PITPNM2: variants seen among roughly 807,000 people sequenced by gnomAD.
The protein encoded by PITPNM2 is phosphatidylinositol transfer protein membrane associated 2, also known as membrane-associated phosphatidylinositol transfer protein 2.
A neutral mutation model predicts 132.2 loss-of-function variants in PITPNM2; 35 were observed. That is an observed-to-expected ratio of 0.26 (90% CI 0.20 to 0.35). The LOEUF is 0.35. PITPNM2 is among the 10% of genes least tolerant of loss of function. PITPNM2 has a pLI of 1.00. For synonymous variants in PITPNM2, 738 were observed against 799.2 expected, an observed-to-expected ratio of 0.92 and a Z score of 1.29; for missense variants, 1,332 against 1,912.0, an observed-to-expected ratio of 0.70 and a Z score of 5.66.
chr12:123,149,696 A>G (rs1202415983), intron 1 of PITPNM2: 1 of 152,630 alleles, frequency 6.6e-6, no homozygotes, highest in Non-Finnish European at 1.5e-5. Context: ...AGATACAGAT[A>G]GCAGGCAGTG....
rs528313518 is a variant in PITPNM2, at chr12:123,014,485, C to T, written c.79-443G>A. 2.6e-5 allele frequency among the ~76,000 whole-genome samples: 4 copies of T among 152,342 alleles called. No homozygotes were observed. In the East Asian group the frequency reaches 7.7e-4, roughly 29 times the overall value. ...TCAGGAGGCTGAGGTGGGCAGATCA[C>T]TTGAGGTCAGGAGTTTGAGACCAGC... On this transcript the variant is annotated intron_variant, in intron 3 of 25. Transcript: ENST00000320201.
Position 123,029,066 on chromosome 12 carries a change from C to T in PITPNM2, c.78+5447G>A, listed in dbSNP as rs1264882072. 3.9e-5 allele frequency among the ~76,000 whole-genome samples: 6 copies of T among 152,278 alleles called. No individual in the cohort carries two copies. In the South Asian group the frequency reaches 1.2e-3, roughly 32 times the overall value. ...CTGGGGTTGAGAGGGGAGATCCCTC[C>T]CAATGCTGCCTCCTCCCCAATCTAG... On this transcript the variant is annotated intron_variant, in intron 3 of 25. Transcript: ENST00000320201.
At chr12:123,132,847 A>T (rs1357500000) in intron 1 of PITPNM2, among the ~76,000 whole-genome samples, 1 of 152,162 alleles carries the variant, frequency 6.6e-6, no homozygotes, top group Non-Finnish European at 1.5e-5. Flanking sequence ...TACTTGGCAA[A>T]TATTATTTGG....
In PITPNM2 at chr12:122,985,731, C is replaced by T; in HGVS notation, c.*296G>A. ...ACCTGGCACCAGGACACTTGGAGAT[C>T]CACACAGGGCAAAATGTCTGGGAGA... is the stretch of plus-strand genomic sequence containing the variant. On this transcript the variant is annotated 3_prime_UTR_variant, in exon 26 of 26. Coordinates refer to ENST00000320201, the MANE Select transcript of PITPNM2 (RefSeq NM_020845.3). 6.1e-6 allele frequency: 2 copies of T among 327,182 alleles called. No individual in the cohort carries two copies. The highest frequency in any genetic ancestry group is 1.1e-5 in the Non-Finnish European group (2 of 180,696). The allele number at this position is 327,182 out of a possible 1,614,324, so 20.3% of individuals were successfully genotyped here.
At chr12:123,105,922 C>T (rs1199056479) in intron 2 of PITPNM2, among the ~76,000 whole-genome samples, 1 of 152,190 alleles carries the variant, frequency 6.6e-6, no homozygotes, top group Non-Finnish European at 1.5e-5. Flanking sequence ...CTGACCAAGA[C>T]AGCAGGGCAC....
intron 2 of PITPNM2, among the ~76,000 whole-genome samples, chr12:123,049,555 C>T (rs1157469160): frequency 1.3e-5 from 2 of 152,208 alleles, no homozygotes; most frequent in Non-Finnish European, 2.9e-5. Context: ...AACAGCTGCT[C>T]CCTCACTCCC....
At chr12:123,109,179 C>T (rs1023270406) in intron 2 of PITPNM2, among the ~76,000 whole-genome samples, 1 of 152,320 alleles carries the variant, frequency 6.6e-6, no homozygotes, top group Non-Finnish European at 1.5e-5. Flanking sequence ...GATGGAACAT[C>T]CATCCTCCGT....
intron 1 of PITPNM2, among the ~76,000 whole-genome samples, chr12:123,127,705 G>A (rs1400366825): frequency 6.6e-6 from 1 of 151,738 alleles, no homozygotes; most frequent in Non-Finnish European, 1.5e-5. Context: ...TGCCTCCCGG[G>A]TTCACGCCAT....
At chr12:123,084,379 C>G (rs762903970) in intron 2 of PITPNM2, 3 of 152,254 alleles carry the variant, frequency 2.0e-5, no homozygotes, top group Non-Finnish European at 4.4e-5. Flanking sequence ...TTTTCCCAGA[C>G]GGGGGTCCTG....
intron 5 of PITPNM2, among the ~76,000 whole-genome samples, chr12:123,012,271 C>A (rs2039240369): frequency 6.6e-6 from 1 of 152,202 alleles, no homozygotes; most frequent in South Asian, 2.1e-4. Flanking sequence ...AGGACATAGA[C>A]CCCATTATGT....
intron 3 of PITPNM2, among the ~76,000 whole-genome samples, chr12:123,017,287 G>A (rs2039464870): frequency 6.6e-6 from 1 of 151,164 alleles, no homozygotes; most frequent in Non-Finnish European, 1.5e-5. Flanking sequence ...GCAGGAGATT[G>A]CTTGAACCCA....
rs754106698 is a variant in PITPNM2 at position 123,001,198 on chromosome 12, G to C, written c.1049-40C>G. On this transcript the variant is annotated intron_variant, in intron 8 of 25. Coordinates refer to ENST00000320201, the MANE Select transcript of PITPNM2 (RefSeq NM_020845.3). ...GGGAAACTCAGGTGGGACTGGGAAC[G>C]CTGGGGAAGCCTGGCTTCCCGAGGT... The C allele has an allele frequency of 1.1e-5, 17 of 1,544,920 alleles. 1 individual carries two copies. The highest frequency in any genetic ancestry group is 1.5e-5 in the Non-Finnish European group (17 of 1,117,622).
chr12:123,075,306 T>A (rs186721090), intron 2 of PITPNM2, among the ~76,000 whole-genome samples: 14 of 152,330 alleles, frequency 9.2e-5, no homozygotes, highest in Admixed American at 2.0e-4. Flanking sequence ...CCAACAGACT[T>A]TTTCAAAGCT....
intron 1 of PITPNM2, among the ~76,000 whole-genome samples, chr12:123,145,516 T>C (rs771631987): frequency 6.6e-6 from 1 of 152,052 alleles, no homozygotes; most frequent in African/African-American, 2.4e-5. Context: ...CTTTCCACAA[T>C]AGAGATAAGG....
chr12:123,046,044 T>A (rs1592970544), intron 2 of PITPNM2, among the ~76,000 whole-genome samples: 1 of 152,156 alleles, frequency 6.6e-6, no homozygotes, highest in East Asian at 1.9e-4. Flanking sequence ...ACTTGCCACA[T>A]TACAACAGTC....
At chr12:123,073,470 A>G (rs2041679137) in intron 2 of PITPNM2, among the ~76,000 whole-genome samples, 2 of 152,068 alleles carry the variant, frequency 1.3e-5, no homozygotes, top group Non-Finnish European at 2.9e-5. Flanking sequence ...CTCCTAGCAC[A>G]TCACACCTGT....
chr12:122,994,677 A>C lies in PITPNM2; in HGVS notation c.2233+124T>G. On this transcript the variant is annotated intron_variant, in intron 15 of 25. Coordinates refer to ENST00000320201, the MANE Select transcript of PITPNM2 (RefSeq NM_020845.3). The surrounding 1 kb of genome is among the most constrained non-coding windows in gnomAD (Gnocchi z 5.4). ...GATAGCAAGGGGCCCTTGGTGGGGAAGACAGGAAGGAGGGCAGAAACAGGC... is the reference window on the plus strand; with the variant it reads ...GATAGCAAGGGGCCCTTGGTGGGGACGACAGGAAGGAGGGCAGAAACAGGC... 8.9e-7 allele frequency: 1 copy of C among 1,119,274 alleles called. No individual in the cohort carries two copies. Among genetic ancestry groups the C allele is most frequent in the Non-Finnish European group, 1.2e-6 (1 of 817,818 alleles). 69.3% of individuals were successfully genotyped at this position (1,119,274 alleles called of 1,614,324 possible). A position where few individuals can be genotyped will look rare whatever the true frequency, so the allele number is the denominator to read the frequency against.
intron 2 of PITPNM2, among the ~76,000 whole-genome samples, chr12:123,073,138 T>C (rs2041665379): frequency 6.6e-6 from 1 of 152,246 alleles, no homozygotes; most frequent in Middle Eastern, 3.2e-3. Flanking sequence ...GTACAAACCC[T>C]CTGCTATTTG....
At chr12:122,986,621 C>T (rs754351272) in intron 24 of PITPNM2, 25 bp downstream of exon 24, 228 of 1,607,822 alleles carry the variant, frequency 1.4e-4, no homozygotes, top group Non-Finnish European at 4.3e-6. Context: ...CCACCCCTGC[C>T]CTGCCCCATC....
Sources: allele counts gnomAD v4.1 joint callset (sites outside exome capture counted in the v4.1 genomes callset), GRCh38; gene constraint gnomAD v4.1.1; non-coding constraint Gnocchi (gnomAD v3.1); transcripts MANE v1.5; gene names NCBI Gene and HGNC (gene_info 2026-07-23, HGNC 2026-07-21).